TCF7: variants seen among roughly 807,000 people sequenced by gnomAD.
TCF7 encodes T-cell-factor-7.
In TCF7, 19 loss-of-function variants were observed where a neutral mutation model predicts 46.8. The ratio of observed to expected loss-of-function variants is 0.41; its 90% CI spans 0.28 to 0.60. The LOEUF (loss-of-function observed/expected upper bound fraction) is 0.60. Ranked by LOEUF, TCF7 falls within the 20% of genes least tolerant of loss-of-function variation. The probability of loss-of-function intolerance (pLI) is 0.35; values close to 1 mark genes in which losing one functional copy is unlikely to be tolerated. For synonymous variants in TCF7, 245 were observed against 213.4 expected (o/e 1.15, Z -1.29); for missense variants, 547 against 504.6 (o/e 1.08, Z -0.81).
intron 8 of TCF7, 88 bp downstream of exon 8, chr5:134,143,188 A>G: frequency 7.1e-7 from 1 of 1,403,278 alleles, no homozygotes; most frequent in Non-Finnish European, 9.8e-7. Flanking sequence ...AGGAACGCAG[A>G]ACTACTGTCC....
At position 134,114,945 on chromosome 5, in the gene TCF7, C is replaced by A. The variant is rs749257078; in HGVS notation, c.39C>A (p.Gly13=). 19 of 1,117,844 alleles carry A rather than the reference C, an allele frequency of 1.7e-5. No homozygotes were observed. The South Asian group carries it at 3.3e-4, about 19-fold the overall frequency. The allele number at this position is 1,117,844 out of a possible 1,614,324, so 69.2% of individuals were successfully genotyped here. ...QLDSGGGGAG[G]GDDLGAPDEL... is the part of the protein sequence containing the mutation. ...ACTCCGGCGGGGGCGGCGCGGGCGGCGGCGACGACCTCGGCGCGCCGGACG... is the reference window on the plus strand; with the variant it reads ...ACTCCGGCGGGGGCGGCGCGGGCGGAGGCGACGACCTCGGCGCGCCGGACG... The change falls in exon 1 of 10, where the codon GGC becomes GGA. Residue 13 remains glycine (G), a synonymous_variant. Coordinates refer to ENST00000342854, the MANE Select transcript of TCF7 (RefSeq NM_003202.5).
At chr5:134,122,313 C>T (rs1756705171) in intron 3 of TCF7, among the ~76,000 whole-genome samples, 2 of 152,138 alleles carry the variant, frequency 1.3e-5, no homozygotes, top group Non-Finnish European at 1.5e-5. Flanking sequence ...TAGGAAAGAC[C>T]TTCCCAAGGC....
At chr5:134,113,674 C>T (rs555785448), upstream of TCF7, among the ~76,000 whole-genome samples, 108 of 152,284 alleles carry the variant, frequency 7.1e-4, no homozygotes, top group Non-Finnish European at 1.3e-3. Flanking sequence ...AGGGGCTGAG[C>T]CAGGCCAAGC....
chr5:134,115,962 G>A lies in TCF7; in HGVS notation c.370G>A (p.Ala124Thr). 6.2e-7 allele frequency: 1 copy of A among 1,613,972 alleles called. No individual in the cohort carries two copies. Among genetic ancestry groups the A allele is most frequent in the South Asian group, 1.1e-5 (1 of 91,080 alleles). Residue 124 changes from alanine (A) to threonine (T), a missense_variant, in exon 3 of 10, where the codon GCC (alanine) becomes ACC (threonine). Ala to Thr is a moderately conservative substitution (Grantham distance 58, BLOSUM62 0). Coordinates refer to ENST00000342854, the MANE Select transcript of TCF7 (RefSeq NM_003202.5). Reference sequence around the variant, plus strand: ...CATGTACAAAGAGACCGTCTACTCCGCCTTCAATCTGCTCATGCATTACCC... The same window carrying A: ...CATGTACAAAGAGACCGTCTACTCCACCTTCAATCTGCTCATGCATTACCC... ...SGMYKETVYS[A>T]FNLLMHYPPP...
At chr5:134,119,911 G>C (rs537865252) in intron 3 of TCF7, among the ~76,000 whole-genome samples, 1 of 152,218 alleles carries the variant, frequency 6.6e-6, no homozygotes, top group Non-Finnish European at 1.5e-5. Flanking sequence ...AGTGAAGCCT[G>C]TTAGGAGGGA....
Position 134,146,349 on chromosome 5 carries a change from T to G in TCF7, c.*46T>G, listed in dbSNP as rs1480537038. On this transcript the variant is annotated 3_prime_UTR_variant, in exon 10 of 10. Coordinates refer to ENST00000342854, the MANE Select transcript of TCF7 (RefSeq NM_003202.5). ...CCCCAGGACTCACCCTCATACCATC[T>G]GCTGCCCCGCTTCCCCACAGAACTG... 5.0e-6 allele frequency: 8 copies of G among 1,606,882 alleles called. No individual in the cohort carries two copies. Among genetic ancestry groups the G allele is most frequent in the Non-Finnish European group, 6.8e-6 (8 of 1,173,582 alleles).
At chr5:134,126,869 C>T (rs986768898) in intron 3 of TCF7, among the ~76,000 whole-genome samples, 28 of 151,804 alleles carry the variant, frequency 1.8e-4, no homozygotes, top group African/African-American at 6.3e-4. Flanking sequence ...TGCACTCCAG[C>T]CTGGGCGACA....
intron 9 of TCF7, chr5:134,145,988 G>A: frequency 1.4e-6 from 2 of 1,475,460 alleles, no homozygotes; most frequent in Non-Finnish European, 1.8e-6. Context: ...ACAGCCCATA[G>A]GCCTAGTGAC....
intron 3 of TCF7, among the ~76,000 whole-genome samples, chr5:134,126,723 C>T (rs1757392690): frequency 6.6e-6 from 1 of 152,080 alleles, no homozygotes. Context: ...ATGGTGAAAC[C>T]CCGTCTCTAC....
At chr5:134,142,128 G>T (rs1170370597) in intron 5 of TCF7, 57 bp from the exon 6 acceptor site, 1 of 1,611,436 alleles carries the variant, frequency 6.2e-7, no homozygotes, top group Non-Finnish European at 8.5e-7. Context: ...CTCTGTGTGT[G>T]TCCAAAGGTC....
chr5:134,141,860 T>A (rs1197308245), intron 5 of TCF7: 1 of 226,642 alleles, frequency 4.4e-6, no homozygotes, highest in Admixed American at 5.3e-5. Flanking sequence ...AGGAGAGGGA[T>A]GAGGCCTCAC....
intron 3 of TCF7, among the ~76,000 whole-genome samples, chr5:134,127,634 T>C (rs1757514014): frequency 6.6e-6 from 1 of 152,184 alleles, no homozygotes; most frequent in Non-Finnish European, 1.5e-5. Context: ...GCCCACCTTA[T>C]TCCCCCGTGG....
chr5:134,124,516 G>A (rs1757063211), intron 3 of TCF7, among the ~76,000 whole-genome samples: 1 of 152,102 alleles, frequency 6.6e-6, no homozygotes, highest in Non-Finnish European at 1.5e-5. Context: ...CCTGGGAGGA[G>A]GTCACCTGCC....
At chr5:134,116,067 C>T (rs1325672522) in intron 3 of TCF7, 34 bp downstream of exon 3, 5 of 1,591,672 alleles carry the variant, frequency 3.1e-6, no homozygotes, top group Non-Finnish European at 3.4e-6. Context: ...CCGCCCTGTG[C>T]TTGCAGCCTC....
intron 5 of TCF7, chr5:134,139,822 T>C (rs1487255701): frequency 6.6e-6 from 1 of 152,354 alleles, no homozygotes; most frequent in African/African-American, 2.4e-5. Flanking sequence ...TGTGGCCCAC[T>C]TGCCCTTTAC....
At chr5:134,112,211 C>CTA (rs1251227667), upstream of TCF7, among the ~76,000 whole-genome samples, 1 of 152,228 alleles carries the variant, frequency 6.6e-6, no homozygotes, top group Non-Finnish European at 1.5e-5. Context: ...CCTGACTACT[C>CTA]TAGTCCACAT....
At chr5:134,143,499 A>G (rs757285837) in intron 8 of TCF7, 93 bp from the exon 9 acceptor site, 5 of 1,526,192 alleles carry the variant, frequency 3.3e-6, no homozygotes, top group South Asian at 1.1e-5. Context: ...CTGTACGCCC[A>G]GAATCCCAGG....
At chr5:134,120,458 C>A (rs1756412268) in intron 3 of TCF7, among the ~76,000 whole-genome samples, 1 of 152,190 alleles carries the variant, frequency 6.6e-6, no homozygotes, top group South Asian at 2.1e-4. Flanking sequence ...GCCTGGGTGG[C>A]CCCCGCCAGC....
rs1580785467 is a variant in TCF7, at chr5:134,115,595, C to T, written c.316+208C>T. 25 of 1,436,746 alleles carry T rather than the reference C, an allele frequency of 1.7e-5. No homozygotes were observed. The East Asian group carries it at 6.2e-4, about 36-fold the overall frequency. 89.0% of individuals were successfully genotyped at this position (1,436,746 alleles called of 1,614,324 possible). On this transcript the variant is annotated intron_variant, in intron 2 of 9. Coordinates refer to ENST00000342854, the MANE Select transcript of TCF7 (RefSeq NM_003202.5). ...GTGCCCTGACCTTTATAGGAGTAAACAGACCCCCGCCATCCCCGCCTCCCC... is the reference window on the plus strand; with the variant it reads ...GTGCCCTGACCTTTATAGGAGTAAATAGACCCCCGCCATCCCCGCCTCCCC...
Sources: allele counts gnomAD v4.1 joint callset (sites outside exome capture counted in the v4.1 genomes callset), GRCh38; gene constraint gnomAD v4.1.1; transcripts MANE v1.5; gene names NCBI Gene and HGNC (gene_info 2026-07-23, HGNC 2026-07-21).